WDR81: variants seen among roughly 807,000 people sequenced by gnomAD.
WDR81 encodes the protein WD repeat domain 81.
WDR81 carries 92 observed loss-of-function variants against 140.8 expected under a neutral mutation model. The ratio of observed to expected loss-of-function variants is 0.65; its 90% CI spans 0.55 to 0.78. The LOEUF is 0.78. Among genes scored for constraint, WDR81 ranks in the 30% least tolerant of loss-of-function variants. WDR81 has a pLI of 0.00. For synonymous variants in WDR81, 1,183 were observed against 1,156.4 expected (o/e 1.02, Z -0.47); for missense variants, 2,502 against 2,636.4 (o/e 0.95, Z 1.12).
chr17:1,736,023 C>T lies in WDR81; in HGVS notation c.5326-16C>T, dbSNP rs745962746. 74 of 1,578,788 alleles carry T rather than the reference C, an allele frequency of 4.7e-5. No homozygotes were observed. Among genetic ancestry groups the T allele is most frequent in the Middle Eastern group, 3.6e-4 (2 of 5,494 alleles). ...TGGGAAGGTGGTGCCTCAGCTCAGC[C>T]GCCCTCTCCCTGCAGCACGAGTTCC... On this transcript the variant is annotated splice_polypyrimidine_tract_variant and intron_variant, in intron 8 of 9. Transcript: ENST00000409644.
rs779962541 is a variant in WDR81 at position 1,732,511 on chromosome 17, A to G, written c.4323+21A>G. 4 of 858,450 alleles carry G rather than the reference A, an allele frequency of 4.7e-6. No homozygotes were observed. The South Asian group carries it at 5.2e-5, about 11-fold the overall frequency. 53.2% of individuals were successfully genotyped at this position (858,450 alleles called of 1,614,324 possible). A position where few individuals can be genotyped will look rare whatever the true frequency, so the allele number is the denominator to read the frequency against. ...AACAGGTGGGCAGATCTGCTGGGCC[A>G]GGGCGGGCTGGGGCGGGGGCTGTGG... On this transcript the variant is annotated intron_variant, in intron 5 of 9. Transcript: ENST00000409644.
In WDR81 at chr17:1,730,741, C is replaced by T; in HGVS notation, c.3776-14C>T. On this transcript the variant is annotated splice_polypyrimidine_tract_variant and intron_variant, in intron 2 of 9. Coordinates refer to ENST00000409644, the MANE Select transcript of WDR81 (RefSeq NM_001163809.2). The stretch of plus-strand genomic sequence containing the variant: ...TCCACTGGCGACTCAGGGCTGCTGG[C>T]CCTTCCGTGGCAGGACCCACTCGGC... 1 of 1,599,542 alleles carries T rather than the reference C, an allele frequency of 6.3e-7. No individual in the cohort carries two copies. The highest frequency in any genetic ancestry group is 8.5e-7 in the Non-Finnish European group (1 of 1,172,526).
At chr17:1,722,638 C>T (rs1339809779), upstream of WDR81, among the ~76,000 whole-genome samples, 1 of 151,196 alleles carries the variant, frequency 6.6e-6, no homozygotes, top group Non-Finnish European at 1.5e-5. Context: ...AGCCACCGCA[C>T]CCGGCCCTCC....
chr17:1,722,569 C>A (rs1402944420), upstream of WDR81, among the ~76,000 whole-genome samples: 1 of 152,058 alleles, frequency 6.6e-6, no homozygotes, highest in African/African-American at 2.4e-5. Flanking sequence ...TGGTCTTGAA[C>A]TCCTGACCTC....
At chr17:1,722,859 A>AT (rs1471907317), upstream of WDR81, among the ~76,000 whole-genome samples, 2 of 150,662 alleles carry the variant, frequency 1.3e-5, no homozygotes, top group African/African-American at 2.4e-5. Context: ...CACCCGGCTA[A>AT]TTTTTTTGTG....
At position 1,732,691 on chromosome 17, in the gene WDR81, G is replaced by A. The variant is rs752974981; in HGVS notation, c.4349G>A (p.Arg1450His). The A allele has an allele frequency of 3.7e-6, 6 of 1,610,048 alleles. No individual in the cohort carries two copies. The highest frequency in any genetic ancestry group is 1.7e-5 in the Admixed American group (1 of 59,682). Residue 1450 changes from arginine (R) to histidine (H), a missense_variant, in exon 6 of 10, where the codon CGT (arginine) becomes CAT (histidine). Physicochemically the swap from Arg to His is conservative, Grantham distance 29. Around this residue, in one of 3 missense-constraint regions of WDR81, gnomAD observed 1,737 missense variants for 1,843.0 expected, o/e 0.94. Transcript: ENST00000409644. ...GATCTGAAGCTGGACCCTGCGGGCC[G>A]TGGTGAGGGCCAGCTGCCACAGGTG... ...QQDLKLDPAG[R>H]GEGQLPQVVF...
At position 1,737,430 on chromosome 17, in the gene WDR81, G is replaced by A. The variant is rs1904971695; in HGVS notation, c.5571G>A (p.Leu1857=). The change falls in exon 10 of 10, where the codon CTG becomes CTA. Residue 1857 remains leucine, a synonymous_variant. Coordinates refer to ENST00000409644, the MANE Select transcript of WDR81 (RefSeq NM_001163809.2). ...SDHSLTVWKE[L]EQKPTHHYKS... is the part of the protein sequence containing the mutation. The stretch of plus-strand genomic sequence containing the variant: ...ATTCCTTGACCGTCTGGAAGGAGCT[G>A]GAGCAGAAGCCCACCCATCACTACA... The A allele has an allele frequency of 1.9e-6, 3 of 1,612,850 alleles. No homozygotes were observed. Among genetic ancestry groups the A allele is most frequent in the Admixed American group, 1.7e-5 (1 of 59,986 alleles).
chr17:1,726,883 C>T lies in WDR81; in HGVS notation c.1924C>T (p.Pro642Ser), dbSNP rs1361077081. 6.4e-7 allele frequency: 1 copy of T among 1,550,440 alleles called. No homozygotes were observed. Among genetic ancestry groups the T allele is most frequent in the African/African-American group, 1.4e-5 (1 of 73,176 alleles). Residue 642 changes from proline to serine, a missense_variant, in exon 1 of 10, where the codon CCC (proline) becomes TCC (serine). Coordinates refer to ENST00000409644, the MANE Select transcript of WDR81 (RefSeq NM_001163809.2). Reference sequence around the variant, plus strand: ...GGGCCGGCCAGTTTTAGAGGCCACTCCCTGTGAGGCTAGCTGGACCAGAGA... The same window carrying T: ...GGGCCGGCCAGTTTTAGAGGCCACTTCCTGTGAGGCTAGCTGGACCAGAGA... ...GVGRPVLEAT[P>S]CEASWTRDRP...
upstream of WDR81, among the ~76,000 whole-genome samples, chr17:1,720,259 G>A (rs1914791755): frequency 1.3e-5 from 2 of 152,180 alleles, no homozygotes. Context: ...GGCTGGCCAA[G>A]GGGAGCGGCT....
chr17:1,735,491 G>T lies in WDR81; in HGVS notation c.5180-81G>T. 1 of 1,367,726 alleles carries T rather than the reference G, an allele frequency of 7.3e-7. No individual in the cohort carries two copies. The highest frequency in any genetic ancestry group is 2.7e-5 in the East Asian group (1 of 37,414). 84.7% of individuals were successfully genotyped at this position (1,367,726 alleles called of 1,614,324 possible). On this transcript the variant is annotated intron_variant, in intron 7 of 9. Coordinates refer to ENST00000409644, the MANE Select transcript of WDR81 (RefSeq NM_001163809.2). This position sits in a 1 kb window ranked among gnomAD's most constrained non-coding sequence, Gnocchi z 4.2. ...CCTGGGGGACGGGAGGCAGGTGTGCGGTGAGTTGGGGGATTAGAAGCTCCC... is the reference window on the plus strand; with the variant it reads ...CCTGGGGGACGGGAGGCAGGTGTGCTGTGAGTTGGGGGATTAGAAGCTCCC...
chr17:1,729,701 G>T (rs965255809), intron 1 of WDR81, among the ~76,000 whole-genome samples: 2 of 151,966 alleles, frequency 1.3e-5, no homozygotes, highest in Non-Finnish European at 2.9e-5. Context: ...GGTGCTTCAC[G>T]CCTGTAATCC....
rs887551104 is a variant in WDR81 at position 1,737,954 on chromosome 17, C to T, written c.*269C>T. ...GCAGGAAGTTAAGAGCAGGAGGAAGCGTTGCTACCTTCACTTCTCCCCAGC... is the reference window on the plus strand; with the variant it reads ...GCAGGAAGTTAAGAGCAGGAGGAAGTGTTGCTACCTTCACTTCTCCCCAGC... On this transcript the variant is annotated 3_prime_UTR_variant, in exon 10 of 10. Coordinates refer to ENST00000409644, the MANE Select transcript of WDR81 (RefSeq NM_001163809.2). 10 of 563,164 alleles carry T rather than the reference C, an allele frequency of 1.8e-5. No homozygotes were observed. The highest frequency in any genetic ancestry group is 3.3e-5 in the Admixed American group (1 of 30,370). 34.9% of individuals were successfully genotyped at this position (563,164 alleles called of 1,614,324 possible).
intron 4 of WDR81, among the ~76,000 whole-genome samples, chr17:1,731,732 T>A (rs1254788617): frequency 6.6e-6 from 1 of 150,996 alleles, no homozygotes; most frequent in Non-Finnish European, 1.5e-5. Flanking sequence ...TGAAACCCCG[T>A]CTCCACTAAA....
In WDR81 at chr17:1,737,355, C is replaced by T. The variant is rs1904960755; in HGVS notation, c.5506-10C>T. On this transcript the variant is annotated splice_polypyrimidine_tract_variant and intron_variant, in intron 9 of 9. Coordinates refer to ENST00000409644, the MANE Select transcript of WDR81 (RefSeq NM_001163809.2). ...CAGGCTCCTGCTGAGGCTCTCCTCT[C>T]CCGGGACAGGCGGTGGAGGGCAGCG... is the stretch of plus-strand genomic sequence containing the variant. 3 of 1,594,704 alleles carry T rather than the reference C, an allele frequency of 1.9e-6. No individual in the cohort carries two copies. The highest frequency in any genetic ancestry group is 2.6e-6 in the Non-Finnish European group (3 of 1,169,804).
Position 1,725,587 on chromosome 17 carries a change from CG to C in WDR81, c.632del (p.Gly211AlafsTer43). 6.5e-7 allele frequency: 1 copy of C among 1,545,176 alleles called. No individual in the cohort carries two copies. The part of the protein sequence containing the change: ...SYAREGPCPP[R>X]GSPACPSLLR... ...TGCCAGAGAAGGCCCCTGCCCCCCT[CG>C]GGGCAGCCCTGCTTGCCCTAGTCTT... On this transcript the variant is annotated frameshift_variant, in exon 1 of 10. Coordinates refer to ENST00000409644, the MANE Select transcript of WDR81 (RefSeq NM_001163809.2). LOFTEE classifies it high-confidence loss of function.
chr17:1,721,901 A>T (rs1395087511), upstream of WDR81, among the ~76,000 whole-genome samples: 1 of 152,164 alleles, frequency 6.6e-6, no homozygotes, highest in East Asian at 1.9e-4. Flanking sequence ...AGGCAGGCAG[A>T]TCACCTGAGG....
chr17:1,722,942 C>A (rs901595042), upstream of WDR81, among the ~76,000 whole-genome samples: 1 of 152,174 alleles, frequency 6.6e-6, no homozygotes, highest in East Asian at 1.9e-4. Context: ...ATCCGCCCAC[C>A]TTGGCCTCCC....
At chr17:1,716,907 A>C in intron 1 of WDR81, 2 of 548,096 alleles carry the variant, frequency 3.6e-6, no homozygotes, top group African/African-American at 1.9e-5. Context: ...CGCCCAGCCC[A>C]CTCCTCCTGG....
chr17:1,736,289 G>T (rs1483033506), intron 9 of WDR81, 71 bp downstream of exon 9: 16 of 1,521,234 alleles, frequency 1.1e-5, no homozygotes, highest in Admixed American at 1.9e-5. Flanking sequence ...CCTGCTTAGG[G>T]TCTGCCTGCC....
Sources: gnomAD v4.1 joint callset for allele counts (sites outside exome capture counted in the v4.1 genomes callset) on GRCh38, gnomAD v4.1.1 for gene constraint, gnomAD v4.1.1 regional missense constraint, Gnocchi (gnomAD v3.1) non-coding constraint, MANE v1.5 for transcripts, NCBI Gene and HGNC (gene_info 2026-07-23, HGNC 2026-07-21) for gene names.